Variants in KANK4 observed in about 807,000 individuals in gnomAD.
The protein encoded by KANK4 is KN motif and ankyrin repeat domain-containing protein 4.
KANK4 carries 50 observed loss-of-function variants against 80.8 expected under a neutral mutation model. That is an observed-to-expected ratio of 0.62 (90% CI 0.49 to 0.78). The LOEUF is 0.78. Ranked by LOEUF, KANK4 falls within the 30% of genes least tolerant of loss-of-function variation. The probability of loss-of-function intolerance (pLI) is 0.00; values close to 1 mark genes in which losing one functional copy is unlikely to be tolerated. For synonymous variants in KANK4, 465 were observed against 506.9 expected (o/e 0.92, Z 1.11); for missense variants, 1,196 against 1,240.1 (o/e 0.96, Z 0.53).
At chr1:62,297,329 G>A (rs2149164300) in intron 1 of KANK4, among the ~76,000 whole-genome samples, 1 of 152,148 alleles carries the variant, frequency 6.6e-6, no homozygotes, top group South Asian at 2.1e-4. Flanking sequence ...GTCCTATATT[G>A]TACAAATGCT....
At chr1:62,257,276 T>C (rs542947674) in intron 7 of KANK4, among the ~76,000 whole-genome samples, 1 of 152,198 alleles carries the variant, frequency 6.6e-6, no homozygotes, top group East Asian at 1.9e-4. Flanking sequence ...TTAGTAGAGA[T>C]GGGGTTTCGC....
chr1:62,274,532 G>C lies in KANK4; in HGVS notation c.572C>G (p.Pro191Arg). 5 of 1,614,170 alleles carry C rather than the reference G, an allele frequency of 3.1e-6. No individual in the cohort carries two copies. The highest frequency in any genetic ancestry group is 4.2e-6 in the Non-Finnish European group (5 of 1,179,986). The change falls in exon 3 of 10, where the codon CCT becomes CGT. Residue 191 changes from proline to arginine, a missense_variant. This residue lies in a region of KANK4 where 1,154 missense variants were observed against 1,179.6 expected (regional missense o/e 0.98). Transcript: ENST00000371153. ...GACACTGCCTTCACCCTGAAGGGGAGGGAGGGCAGGAGGGGCAGGGGGCCC... is the reference window on the plus strand; with the variant it reads ...GACACTGCCTTCACCCTGAAGGGGACGGAGGGCAGGAGGGGCAGGGGGCCC... ...SLGPPAPPAL[P>R]PLQGEGSVCD...
Position 62,259,302 on chromosome 1 carries a change from G to C in KANK4, c.2539+3790C>G, listed in dbSNP as rs74991901. On this transcript the variant is annotated intron_variant, in intron 7 of 9. Coordinates refer to ENST00000371153, the MANE Select transcript of KANK4 (RefSeq NM_181712.5). Reference sequence around the variant, plus strand: ...TTCTTTCTTTTTTTTTTTGAGTCCAGGTCTCGCTCTGTCACTCACACTGCA... The same window carrying C: ...TTCTTTCTTTTTTTTTTTGAGTCCACGTCTCGCTCTGTCACTCACACTGCA... 2.1e-3 allele frequency among the ~76,000 whole-genome samples: 324 copies of C among 151,800 alleles called. 2 individuals carry two copies. The highest frequency in any genetic ancestry group is 7.1e-3 in the African/African-American group (295 of 41,438).
chr1:62,268,558 G>A, intron 4 of KANK4, 53 bp from the exon 5 acceptor site: 1 of 1,444,946 alleles, frequency 6.9e-7, no homozygotes, highest in East Asian at 2.3e-5. Context: ...CAGTGCCCAT[G>A]TCAACACCAG....
At chr1:62,301,457 A>C (rs1024031287) in intron 1 of KANK4, among the ~76,000 whole-genome samples, 25 of 152,082 alleles carry the variant, frequency 1.6e-4, no homozygotes, top group Admixed American at 1.4e-3. Flanking sequence ...CAGGCACAGA[A>C]GAATGTCTGA....
chr1:62,274,865 G>T lies in KANK4; in HGVS notation c.239C>A (p.Ala80Asp), dbSNP rs1354424454. Residue 80 changes from alanine (A) to aspartate (D), a missense_variant, in exon 3 of 10, where the codon GCT becomes GAT. This residue lies in a region of KANK4 where 1,154 missense variants were observed against 1,179.6 expected (regional missense o/e 0.98). Transcript: ENST00000371153. ...PRNFSLPDSG[A>D]RPPAAPPLQN... ...GAGGGGCGGGGCTGCAGGGGGGCGA[G>T]CCCCACTGTCAGGAAGGCTGAAGTT... 1 of 1,614,004 alleles carries T rather than the reference G, an allele frequency of 6.2e-7. No individual in the cohort carries two copies. The highest frequency in any genetic ancestry group is 8.5e-7 in the Non-Finnish European group (1 of 1,179,982).
At chr1:62,246,693 G>A (rs1671473614) in intron 9 of KANK4, among the ~76,000 whole-genome samples, 1 of 152,044 alleles carries the variant, frequency 6.6e-6, no homozygotes, top group African/African-American at 2.4e-5. Context: ...AACCTTCTGG[G>A]CTCAAGCAAT....
intron 1 of KANK4, among the ~76,000 whole-genome samples, chr1:62,308,104 C>A (rs1324880359): frequency 6.6e-6 from 1 of 152,150 alleles, no homozygotes; most frequent in African/African-American, 2.4e-5. Flanking sequence ...GGTCTCTGGG[C>A]CCCAGGAACC....
intron 1 of KANK4, among the ~76,000 whole-genome samples, chr1:62,315,543 C>T (rs867152831): frequency 5.3e-5 from 8 of 152,114 alleles, no homozygotes; most frequent in Non-Finnish European, 1.0e-4. Context: ...TCTGTGATAA[C>T]TGTATCCACG....
chr1:62,262,098 G>A (rs1671899235), intron 7 of KANK4, among the ~76,000 whole-genome samples: 2 of 152,178 alleles, frequency 1.3e-5, no homozygotes, highest in South Asian at 4.1e-4. Context: ...GAATCAAGTT[G>A]AGTCAAATTG....
intron 9 of KANK4, among the ~76,000 whole-genome samples, chr1:62,238,582 G>A (rs1304125081): frequency 6.6e-6 from 1 of 151,762 alleles, no homozygotes; most frequent in Non-Finnish European, 1.5e-5. Flanking sequence ...GTGACTCCTG[G>A]GAAATCTGTG....
intron 7 of KANK4, among the ~76,000 whole-genome samples, chr1:62,259,429 AT>A: frequency 6.6e-6 from 1 of 152,094 alleles, no homozygotes; most frequent in Admixed American, 6.6e-5. Context: ...GGCGTGTGCC[AT>A]CACGCCTGGC....
intron 9 of KANK4, among the ~76,000 whole-genome samples, chr1:62,244,543 T>C (rs1449088400): frequency 6.6e-6 from 1 of 152,124 alleles, no homozygotes; most frequent in Admixed American, 6.6e-5. Context: ...TGATGGTTAT[T>C]ATAAGGGGGA....
rs373695520 is a variant in KANK4 at position 62,269,508 on chromosome 1, A to G, written c.2013-1003T>C. Reference sequence around the variant, plus strand: ...CCAGACATTTCTTCCTCTATTATGTATGGAACAGCCTTTCATGTTTGTGAT... The same window carrying G: ...CCAGACATTTCTTCCTCTATTATGTGTGGAACAGCCTTTCATGTTTGTGAT... On this transcript the variant is annotated intron_variant, in intron 4 of 9. Transcript: ENST00000371153. Among the ~76,000 whole-genome samples the G allele has an allele frequency of 7.2e-5, 11 of 152,332 alleles. No individual in the cohort carries two copies. In the South Asian group the frequency reaches 8.3e-4, roughly 11 times the overall value.
chr1:62,311,166 C>T (rs1395072214), intron 1 of KANK4, among the ~76,000 whole-genome samples: 1 of 152,122 alleles, frequency 6.6e-6, no homozygotes, highest in Non-Finnish European at 1.5e-5. Context: ...TCCCAGTTGC[C>T]TGTAGTAGGT....
In KANK4 at chr1:62,272,988, G is replaced by A. The variant is rs140001310; in HGVS notation, c.1900+216C>T. Among the ~76,000 whole-genome samples, 16,650 of 151,600 alleles carry A rather than the reference G, an allele frequency of 0.11. 1,341 individuals carry two copies. The highest frequency in any genetic ancestry group is 0.23 in the African/African-American group (9,665 of 41,296). ...GTATTTTTAGTAGAGATGGGTTTTC[G>A]CCATGTTGACCAGGCTGGTCTTGAA... On this transcript the variant is annotated intron_variant, in intron 3 of 9. Coordinates refer to ENST00000371153, the MANE Select transcript of KANK4 (RefSeq NM_181712.5).
intron 7 of KANK4, among the ~76,000 whole-genome samples, chr1:62,262,489 T>C (rs956367419): frequency 1.6e-4 from 25 of 152,286 alleles, no homozygotes; most frequent in African/African-American, 5.8e-4. Flanking sequence ...TTATATGCTA[T>C]CACAGCACAA....
At chr1:62,263,021 G>A (rs2149132389) in intron 7 of KANK4, 71 bp downstream of exon 7, 1 of 1,176,606 alleles carries the variant, frequency 8.5e-7, no homozygotes, top group Non-Finnish European at 1.2e-6. Flanking sequence ...TGAAATTTTT[G>A]AAAAAAATTT....
intron 7 of KANK4, among the ~76,000 whole-genome samples, chr1:62,259,357 G>A (rs1057122779): frequency 6.6e-6 from 1 of 151,998 alleles, no homozygotes; most frequent in African/African-American, 2.4e-5. Flanking sequence ...GCTCACTGCA[G>A]CCTCAACTTC....
Sources: gnomAD v4.1 joint callset for allele counts (sites outside exome capture counted in the v4.1 genomes callset) on GRCh38, gnomAD v4.1.1 for gene constraint, gnomAD v4.1.1 regional missense constraint, MANE v1.5 for transcripts, NCBI Gene and HGNC (gene_info 2026-07-23, HGNC 2026-07-21) for gene names.